CLNK: variants seen among roughly 807,000 people sequenced by gnomAD.
CLNK encodes the protein cytokine-dependent hematopoietic cell linker.
CLNK carries 74 observed loss-of-function variants against 68.6 expected under a neutral mutation model. The ratio of observed to expected loss-of-function variants is 1.08; its 90% confidence interval spans 0.89 to 1.31. CLNK has a LOEUF of 1.31. CLNK is among the 50% of genes most tolerant of loss of function. The pLI, the probability that CLNK is intolerant of heterozygous loss-of-function variation, is 0.00. For missense variants in CLNK, 553 were observed against 515.3 expected (o/e 1.07, Z -0.71); for synonymous variants, 198 against 172.2 (o/e 1.15, Z -1.17).
intron 11 of CLNK, among the ~76,000 whole-genome samples, chr4:10,539,632 C>G (rs1428007214): frequency 1.3e-5 from 2 of 152,192 alleles, no homozygotes; most frequent in Admixed American, 6.5e-5. Flanking sequence ...GAGTTTGTCA[C>G]ATTCTGTGAT....
chr4:10,647,652 C>T (rs1004748329), intron 2 of CLNK, among the ~76,000 whole-genome samples: 1 of 152,082 alleles, frequency 6.6e-6, no homozygotes, highest in Non-Finnish European at 1.5e-5. Context: ...GGGAAGTACT[C>T]TATATTAAGT....
intron 4 of CLNK, among the ~76,000 whole-genome samples, chr4:10,581,921 G>A (rs1720798936): frequency 6.6e-6 from 1 of 152,106 alleles, no homozygotes; most frequent in Admixed American, 6.5e-5. Context: ...TCTAAAGAAT[G>A]GCCCAGAACT....
At chr4:10,523,942 T>C (rs1015884481) in intron 14 of CLNK, 10 of 395,342 alleles carry the variant, frequency 2.5e-5, no homozygotes, top group Non-Finnish European at 4.6e-5. Flanking sequence ...GGAGGATCAC[T>C]TGAGCCCGGG....
At chr4:10,494,957 C>A (rs544817519) in intron 18 of CLNK, among the ~76,000 whole-genome samples, 1 of 151,518 alleles carries the variant, frequency 6.6e-6, no homozygotes, top group Non-Finnish European at 1.5e-5. Flanking sequence ...GAACTGTGGG[C>A]GATGTTTCCT....
chr4:10,526,352 C>G (rs1228287324), intron 13 of CLNK, among the ~76,000 whole-genome samples: 4 of 152,258 alleles, frequency 2.6e-5, no homozygotes, highest in East Asian at 1.9e-4. Context: ...GAGAAAAAGA[C>G]AGACATGGTT....
At chr4:10,664,656 C>T (rs1299165566) in intron 2 of CLNK, among the ~76,000 whole-genome samples, 1 of 152,198 alleles carries the variant, frequency 6.6e-6, no homozygotes, top group East Asian at 1.9e-4. Flanking sequence ...TCCGACTCAG[C>T]ATGCCTGGGC....
intron 13 of CLNK, among the ~76,000 whole-genome samples, chr4:10,527,361 A>G (rs1718359973): frequency 6.6e-6 from 1 of 152,206 alleles, no homozygotes; most frequent in African/African-American, 2.4e-5. Context: ...CTTTGTCAAT[A>G]TGCAGAGAAG....
At chr4:10,571,117 T>C (rs146217700) in intron 5 of CLNK, among the ~76,000 whole-genome samples, 20 of 152,280 alleles carry the variant, frequency 1.3e-4, no homozygotes, top group Non-Finnish European at 2.5e-4. Context: ...TGTTAGGAAG[T>C]GTGCTTCTCA....
chr4:10,603,093 A>C (rs1329564721), intron 2 of CLNK, among the ~76,000 whole-genome samples: 1 of 152,198 alleles, frequency 6.6e-6, no homozygotes, highest in East Asian at 1.9e-4. Flanking sequence ...GCACAGAAAG[A>C]ATTGCCATTT....
intron 1 of CLNK, among the ~76,000 whole-genome samples, chr4:10,675,976 C>T (rs1724855149): frequency 6.6e-6 from 1 of 151,850 alleles, no homozygotes; most frequent in Non-Finnish European, 1.5e-5. Flanking sequence ...CACACATATC[C>T]AAAATGGTGA....
intron 2 of CLNK, among the ~76,000 whole-genome samples, chr4:10,664,900 C>G (rs1216276767): frequency 6.6e-6 from 1 of 152,176 alleles, no homozygotes; most frequent in Non-Finnish European, 1.5e-5. Context: ...TGGAGGCGTT[C>G]TAATTTTAAT....
At chr4:10,654,695 T>A (rs913549949) in intron 2 of CLNK, among the ~76,000 whole-genome samples, 1 of 152,032 alleles carries the variant, frequency 6.6e-6, no homozygotes, top group Non-Finnish European at 1.5e-5. Context: ...ATAAAACTTT[T>A]AGGAAGCCTG....
chr4:10,547,334 C>A (rs909119238), intron 8 of CLNK, among the ~76,000 whole-genome samples: 1 of 152,074 alleles, frequency 6.6e-6, no homozygotes, highest in Admixed American at 6.6e-5. Flanking sequence ...CATAGAAGAG[C>A]TTTACATATT....
the CLNK span, among the ~76,000 whole-genome samples, chr4:10,711,217 T>C: frequency 6.6e-6 from 1 of 152,200 alleles, no homozygotes; most frequent in East Asian, 1.9e-4. Flanking sequence ...AACTGACTCA[T>C]TGCACTAAGT....
chr4:10,670,806 A>G (rs752607524), intron 1 of CLNK, among the ~76,000 whole-genome samples: 5 of 152,232 alleles, frequency 3.3e-5, no homozygotes, highest in Non-Finnish European at 5.9e-5. Context: ...GTCTTCTCCA[A>G]TAGAGCTCTG....
At chr4:10,731,643 C>A in the CLNK span, among the ~76,000 whole-genome samples, 1 of 152,156 alleles carries the variant, frequency 6.6e-6, no homozygotes, top group South Asian at 2.1e-4. Flanking sequence ...GATATTTACC[C>A]TACAGTTATT....
At chr4:10,582,265 A>T (rs1720810183) in intron 4 of CLNK, among the ~76,000 whole-genome samples, 1 of 152,230 alleles carries the variant, frequency 6.6e-6, no homozygotes, top group Non-Finnish European at 1.5e-5. Context: ...AGCCAGCAGG[A>T]GGCATTGGAT....
At chr4:10,537,628 T>C (rs763920250) in intron 11 of CLNK, among the ~76,000 whole-genome samples, 36 of 136,062 alleles carry the variant, frequency 2.6e-4, no homozygotes, top group Middle Eastern at 3.6e-3. Context: ...TCTCTTTCTT[T>C]CTTTCTTTCT....
chr4:10,525,700 C>G lies in CLNK; in HGVS notation c.731+141G>C. The G allele has an allele frequency of 5.2e-6, 3 of 577,296 alleles. No individual in the cohort carries two copies. The East Asian group carries it at 8.6e-5, about 17-fold the overall frequency. The allele number at this position is 577,296 out of a possible 1,614,324, so 35.8% of individuals were successfully genotyped here. A position where few individuals can be genotyped will look rare whatever the true frequency, so the allele number is the denominator to read the frequency against. On this transcript the variant is annotated intron_variant, in intron 14 of 18. Coordinates refer to ENST00000226951, the MANE Select transcript of CLNK (RefSeq NM_052964.4). ...TAACATCAATAACAGCTGTGATTCA[C>G]AAGTTTCTCTTGAGCCTCATTATTG...
Sources: gnomAD v4.1 joint callset for allele counts (sites outside exome capture counted in the v4.1 genomes callset) on GRCh38, gnomAD v4.1.1 for gene constraint, MANE v1.5 for transcripts, NCBI Gene and HGNC (gene_info 2026-07-23, HGNC 2026-07-21) for gene names.